PTPRE: variants seen among roughly 807,000 people sequenced by gnomAD.
PTPRE encodes receptor-type tyrosine-protein phosphatase epsilon.
PTPRE carries 51 observed loss-of-function variants against 102.0 expected under a neutral mutation model. The observed-to-expected ratio is 0.50, with a 90% confidence interval of 0.40 to 0.63. The LOEUF (loss-of-function observed/expected upper bound fraction) is 0.63. Ranked by LOEUF, PTPRE falls within the 30% of genes least tolerant of loss-of-function variation. The pLI is 0.00. For synonymous variants in PTPRE, 345 were observed against 348.2 expected (o/e 0.99, Z 0.10); for missense variants, 752 against 915.1 (o/e 0.82, Z 2.30).
chr10:128,035,989 C>T (rs1457223186), intron 2 of PTPRE, among the ~76,000 whole-genome samples: 1 of 152,146 alleles, frequency 6.6e-6, no homozygotes, highest in Non-Finnish European at 1.5e-5. Flanking sequence ...CCAGGAAGGA[C>T]TCCATCTCAG....
intron 7 of PTPRE, among the ~76,000 whole-genome samples, chr10:128,057,775 A>G (rs7095091): frequency 0.83 from 126,456 of 152,182 alleles, 52,841 homozygotes; most frequent in African/African-American, 0.91. Flanking sequence ...CCTTGACAGT[A>G]GCTCAGACAT....
chr10:128,070,257 G>T lies in PTPRE; in HGVS notation c.1144-44G>T. 1.3e-6 allele frequency: 2 copies of T among 1,558,800 alleles called. No individual in the cohort carries two copies. The highest frequency in any genetic ancestry group is 1.7e-6 in the Non-Finnish European group (2 of 1,150,680). On this transcript the variant is annotated intron_variant, in intron 13 of 20. Transcript: ENST00000254667. This position sits in a 1 kb window ranked among gnomAD's most constrained non-coding sequence, Gnocchi z 4.8. ...GCCAAGCTCCACGTGGGCCAAGACT[G>T]CAGGGCAGAGTTGAGGGTGTGGGCA... is the stretch of plus-strand genomic sequence containing the variant.
intron 1 of PTPRE, among the ~76,000 whole-genome samples, chr10:127,924,362 A>G (rs1466746315): frequency 6.6e-6 from 1 of 152,052 alleles, no homozygotes; most frequent in East Asian, 1.9e-4. Context: ...AGTAGCTGGG[A>G]CTACAGGCGC....
intron 2 of PTPRE, among the ~76,000 whole-genome samples, chr10:127,992,662 C>T (rs1852798792): frequency 6.6e-6 from 1 of 152,174 alleles, no homozygotes; most frequent in Non-Finnish European, 1.5e-5. Context: ...TTTGCTGATG[C>T]ACCTGCATCA....
chr10:127,940,771 G>T (rs1848189649), intron 1 of PTPRE, among the ~76,000 whole-genome samples: 1 of 152,178 alleles, frequency 6.6e-6, no homozygotes, highest in African/African-American at 2.4e-5. Flanking sequence ...AGCCTCCCGA[G>T]TAGTAGGGAT....
intron 2 of PTPRE, among the ~76,000 whole-genome samples, chr10:128,023,695 C>T (rs1330657897): frequency 1.3e-5 from 2 of 152,214 alleles, no homozygotes; most frequent in Non-Finnish European, 2.9e-5. Context: ...ATCGATGGTG[C>T]TTTCCATTAG....
intron 1 of PTPRE, chr10:127,965,009 A>G: frequency 2.2e-6 from 1 of 456,608 alleles, no homozygotes; most frequent in Non-Finnish European, 4.4e-6. Context: ...GTATGAAGGC[A>G]TTTCGGTTTT....
At chr10:127,984,083 T>TCC (rs1851873649) in intron 2 of PTPRE, among the ~76,000 whole-genome samples, 1 of 143,576 alleles carries the variant, frequency 7.0e-6, no homozygotes, top group Non-Finnish European at 1.5e-5. Flanking sequence ...TCTTTCTTTT[T>TCC]TTTTTTTTTT....
At chr10:127,934,189 C>T (rs976138595) in intron 1 of PTPRE, 3 of 151,938 alleles carry the variant, frequency 2.0e-5, no homozygotes, top group African/African-American at 7.3e-5. Flanking sequence ...TTTTTCTTTG[C>T]ACTATAGGGG....
intron 15 of PTPRE, chr10:128,071,315 C>T: frequency 4.7e-6 from 1 of 214,954 alleles, no homozygotes; most frequent in Non-Finnish European, 9.5e-6. Flanking sequence ...CCAGCCGAGG[C>T]CATGCAGGTG....
chr10:127,915,648 T>G (rs1352607249), intron 1 of PTPRE, among the ~76,000 whole-genome samples: 1 of 152,238 alleles, frequency 6.6e-6, no homozygotes, highest in East Asian at 1.9e-4. Context: ...AATTTTGTAC[T>G]GTGTTGTGCC....
At chr10:128,057,107 C>T (rs570325368) in intron 7 of PTPRE, among the ~76,000 whole-genome samples, 8 of 151,974 alleles carry the variant, frequency 5.3e-5, no homozygotes, top group East Asian at 3.9e-4. Flanking sequence ...ATTCCAGCTA[C>T]GTGGGAGACT....
chr10:128,046,236 C>G (rs1848079300), intron 3 of PTPRE, among the ~76,000 whole-genome samples: 1 of 152,152 alleles, frequency 6.6e-6, no homozygotes, highest in Non-Finnish European at 1.5e-5. Context: ...ATGAGGGTCC[C>G]TTTTAGAATC....
chr10:127,994,852 T>A (rs942166574), intron 2 of PTPRE, among the ~76,000 whole-genome samples: 12 of 152,148 alleles, frequency 7.9e-5, no homozygotes, highest in African/African-American at 2.9e-4. Flanking sequence ...CACATTTCAG[T>A]TCACTTTGGG....
intron 1 of PTPRE, among the ~76,000 whole-genome samples, chr10:127,924,169 G>A (rs1439803449): frequency 6.6e-6 from 1 of 152,174 alleles, no homozygotes; most frequent in Non-Finnish European, 1.5e-5. Flanking sequence ...CAAGTTACAG[G>A]GTGACAGGCA....
At chr10:127,934,551 G>A (rs1318161723) in intron 1 of PTPRE, 1 of 152,196 alleles carries the variant, frequency 6.6e-6, no homozygotes, top group Admixed American at 6.5e-5. Context: ...ACGTCTTTGG[G>A]GGATGATGGG....
chr10:128,067,247 C>CACGCACCCACACACGCACAG (rs1850276657), intron 11 of PTPRE, among the ~76,000 whole-genome samples: 4 of 149,602 alleles, frequency 2.7e-5, no homozygotes, highest in Admixed American at 6.6e-5. Context: ...CACGCACACA[C>CACGCACCCACACACGCACAG]ATTCATGCAC....
intron 10 of PTPRE, among the ~76,000 whole-genome samples, chr10:128,065,616 TG>T (rs1227886332): frequency 6.6e-6 from 1 of 152,172 alleles, no homozygotes; most frequent in Non-Finnish European, 1.5e-5. Flanking sequence ...AGACTGGCAG[TG>T]GTGCAAATTA....
At chr10:127,985,344 A>G (rs1289954091) in intron 2 of PTPRE, among the ~76,000 whole-genome samples, 1 of 152,266 alleles carries the variant, frequency 6.6e-6, no homozygotes, top group East Asian at 1.9e-4. Context: ...GAACTTTGGG[A>G]GGCCAAGGCA....
Sources: allele counts gnomAD v4.1 joint callset (sites outside exome capture counted in the v4.1 genomes callset), GRCh38; gene constraint gnomAD v4.1.1; non-coding constraint Gnocchi (gnomAD v3.1); transcripts MANE v1.5; gene names NCBI Gene and HGNC (gene_info 2026-07-23, HGNC 2026-07-21).